The following COL25A1 variants were observed in gnomAD, a reference collection of about 807,000 sequenced individuals.
The protein encoded by COL25A1 is collagen type XXV alpha 1 chain, also known as collagen alpha-1(XXV) chain.
Under a neutral mutation model 128.4 loss-of-function variants are expected in COL25A1, and 103 were observed. The observed-to-expected ratio is 0.80, with a 90% CI of 0.68 to 0.94. COL25A1 has a LOEUF of 0.94. Ranked by LOEUF, COL25A1 falls within the 40% of genes least tolerant of loss-of-function variation. The pLI is 0.00. For missense variants in COL25A1, 745 were observed against 840.0 expected, an observed-to-expected ratio of 0.89 and a Z score of 1.40; for synonymous variants, 279 against 277.2, an observed-to-expected ratio of 1.01 and a Z score of -0.06.
chr4:109,196,097 T>C (rs1434029241), intron 3 of COL25A1, among the ~76,000 whole-genome samples: 3 of 152,212 alleles, frequency 2.0e-5, no homozygotes, highest in Non-Finnish European at 2.9e-5. Context: ...GCTCCATGCC[T>C]AATGCAAAGT....
At chr4:109,136,568 AGAG>A (rs531611994) in intron 3 of COL25A1, among the ~76,000 whole-genome samples, 82 of 152,356 alleles carry the variant, frequency 5.4e-4, no homozygotes, top group African/African-American at 8.2e-4. Context: ...AGTCAAATGA[AGAG>A]GAGAAGGAAG....
chr4:109,023,022 G>C (rs1234122124), intron 5 of COL25A1, among the ~76,000 whole-genome samples: 1 of 152,132 alleles, frequency 6.6e-6, no homozygotes, highest in African/African-American at 2.4e-5. Context: ...AAAAAGCCTG[G>C]ATATCAGCAT....
At chr4:108,863,881 C>A (rs570863089) in intron 20 of COL25A1, among the ~76,000 whole-genome samples, 212 of 152,298 alleles carry the variant, frequency 1.4e-3, no homozygotes, top group Non-Finnish European at 2.7e-3. Context: ...GGCTCTTATG[C>A]CTTCAGCCTC....
chr4:109,031,985 T>C lies in COL25A1; in HGVS notation c.420+16183A>G, dbSNP rs531671686. Among the ~76,000 whole-genome samples, 3 of 152,316 alleles carry C rather than the reference T, an allele frequency of 2.0e-5. No homozygotes were observed. In the East Asian group the frequency reaches 5.8e-4, roughly 29 times the overall value. ...TAGCATTACATTCTGCCTTAAAATA[T>C]AGGTATTGATAGCTTATCTCTTCTA... On this transcript the variant is annotated intron_variant, in intron 5 of 37. Transcript: ENST00000399132.
chr4:109,277,299 A>G (rs1443476150), intron 3 of COL25A1, among the ~76,000 whole-genome samples: 2 of 152,176 alleles, frequency 1.3e-5, no homozygotes, highest in African/African-American at 4.8e-5. Flanking sequence ...AACAGAGAGA[A>G]ACTTGTGTAT....
intron 3 of COL25A1, among the ~76,000 whole-genome samples, chr4:109,202,879 G>A (rs1399646090): frequency 2.6e-5 from 4 of 152,060 alleles, no homozygotes; most frequent in Non-Finnish European, 4.4e-5. Flanking sequence ...GATAAGTGGC[G>A]AGAGGGATAT....
intron 11 of COL25A1, among the ~76,000 whole-genome samples, chr4:108,935,859 A>T (rs931254000): frequency 7.9e-5 from 12 of 152,190 alleles, no homozygotes; most frequent in African/African-American, 2.2e-4. Context: ...AAGAATTTTT[A>T]AAAAATATAT....
intron 8 of COL25A1, among the ~76,000 whole-genome samples, chr4:108,954,994 G>C (rs1231156434): frequency 3.3e-5 from 5 of 150,866 alleles, no homozygotes; most frequent in Admixed American, 3.3e-4. Context: ...TAGCAACAAA[G>C]TTTATGTTTT....
chr4:108,820,470 T>C (rs1560696982), intron 35 of COL25A1, among the ~76,000 whole-genome samples: 1 of 152,248 alleles, frequency 6.6e-6, no homozygotes, highest in Non-Finnish European at 1.5e-5. Flanking sequence ...TGCTTCTATA[T>C]CTTTTAATAT....
intron 37 of COL25A1, among the ~76,000 whole-genome samples, chr4:108,816,811 T>C (rs1036307739): frequency 2.0e-5 from 3 of 152,172 alleles, no homozygotes; most frequent in Non-Finnish European, 4.4e-5. Flanking sequence ...CCTTTGCACA[T>C]AGAAGGTTCT....
rs563607690 is a variant in COL25A1 at position 109,115,031 on chromosome 4, A to T, written c.368-64852T>A. Among the ~76,000 whole-genome samples, 18 of 152,210 alleles carry T rather than the reference A, an allele frequency of 1.2e-4. 1 individual carries two copies. The highest frequency in any genetic ancestry group is 1.0e-3 in the Admixed American group (16 of 15,258). On this transcript the variant is annotated intron_variant, in intron 3 of 37. Transcript: ENST00000399132. ...AGGATGTTATTAAAAATTTATGAAC[A>T]TAGGCATCAAGTGAAATACTTGTAA...
Position 109,050,084 on chromosome 4 carries a change from G to A in COL25A1, c.412+51C>T, listed in dbSNP as rs201722088. 6.1e-4 allele frequency: 909 copies of A among 1,486,662 alleles called. 4 individuals carry two copies. Among genetic ancestry groups the A allele is most frequent in the Admixed American group, 6.8e-4 (38 of 55,968 alleles). The allele number at this position is 1,486,662 out of a possible 1,614,324, so 92.1% of individuals were successfully genotyped here. A position where few individuals can be genotyped will look rare whatever the true frequency, so the allele number is the denominator to read the frequency against. ...TCATTAATTAGGAAGAACAGATGCC[G>A]GAACTTAACCAGAACATGAGTGACA... On this transcript the variant is annotated intron_variant, in intron 4 of 37. Transcript: ENST00000399132.
rs1424277114 is a variant in COL25A1, at chr4:108,898,654, T to A, written c.861+500A>T. ...TAATTGCTGCAGGTAAACATCTGTA[T>A]CCCTTTAACCTAGTGACATTAGAAG... On this transcript the variant is annotated intron_variant, in intron 15 of 37. Transcript: ENST00000399132. Among the ~76,000 whole-genome samples, 3 of 152,250 alleles carry A rather than the reference T, an allele frequency of 2.0e-5. No homozygotes were observed. In the East Asian group the frequency reaches 5.8e-4, roughly 29 times the overall value.
intron 13 of COL25A1, among the ~76,000 whole-genome samples, chr4:108,913,261 C>CTTTTTTTTTTTTTTTTTTTTTTTTTTT (rs201929872): frequency 1.1e-5 from 1 of 92,420 alleles, no homozygotes; most frequent in Non-Finnish European, 2.1e-5. Flanking sequence ...TCTCTAGCTC[C>CTTTTTTTTTTTTTTTTTTTTTTTTTTT]TTTTTTTTTT....
In COL25A1 at chr4:108,852,232, T is replaced by C; in HGVS notation, c.1389+4A>G. 6.2e-7 allele frequency: 1 copy of C among 1,605,310 alleles called. No individual in the cohort carries two copies. Among genetic ancestry groups the C allele is most frequent in the Non-Finnish European group, 8.5e-7 (1 of 1,174,832 alleles). Reference sequence around the variant, plus strand: ...TAAATGGAAACAAGTAAATAAAGAATAACCTTTGGCCCTTGTAGTCCTTGA... The same window carrying C: ...TAAATGGAAACAAGTAAATAAAGAACAACCTTTGGCCCTTGTAGTCCTTGA... On this transcript the variant is annotated splice_donor_region_variant and intron_variant, in intron 26 of 37. Coordinates refer to ENST00000399132, the MANE Select transcript of COL25A1 (RefSeq NM_198721.4).
At chr4:108,872,168 C>A (rs1449038470) in intron 19 of COL25A1, among the ~76,000 whole-genome samples, 1 of 152,166 alleles carries the variant, frequency 6.6e-6, no homozygotes, top group Non-Finnish European at 1.5e-5. Context: ...GTAATCCCAG[C>A]ACTTTGGGAG....
rs374030770 is a variant in COL25A1 at position 109,019,550 on chromosome 4, G to A, written c.421-9175C>T. On this transcript the variant is annotated intron_variant, in intron 5 of 37. Coordinates refer to ENST00000399132, the MANE Select transcript of COL25A1 (RefSeq NM_198721.4). ...TCATGGTAGAAGGGGAAGCAGGCAC[G>A]TCTTACATGGTGGCAGCCGAGAGAG... 9.2e-5 allele frequency among the ~76,000 whole-genome samples: 14 copies of A among 151,916 alleles called. No individual in the cohort carries two copies. In the East Asian group the frequency reaches 2.3e-3, roughly 25 times the overall value.
intron 8 of COL25A1, among the ~76,000 whole-genome samples, chr4:108,949,479 C>A (rs1749146942): frequency 6.6e-6 from 1 of 152,086 alleles, no homozygotes; most frequent in South Asian, 2.1e-4. Context: ...AAGAGTCACC[C>A]CCTGACAACC....
intron 3 of COL25A1, among the ~76,000 whole-genome samples, chr4:109,239,952 G>A (rs62324355): frequency 0.012 from 1,800 of 152,006 alleles, 64 homozygotes; most frequent in South Asian, 0.11. Context: ...GGCCTACTCA[G>A]GGTCAGGATG....
Sources: gnomAD v4.1 joint callset for allele counts (sites outside exome capture counted in the v4.1 genomes callset) on GRCh38, gnomAD v4.1.1 for gene constraint, MANE v1.5 for transcripts, NCBI Gene and HGNC (gene_info 2026-07-23, HGNC 2026-07-21) for gene names.